SIN3A: variants seen among roughly 807,000 people sequenced by gnomAD.
SIN3A encodes paired amphipathic helix protein Sin3a.
A neutral mutation model predicts 146.1 loss-of-function variants in SIN3A; 14 were observed. The ratio of observed to expected loss-of-function variants is 0.10; its 90% confidence interval spans 0.06 to 0.15. The LOEUF is 0.15. Among genes scored for constraint, SIN3A ranks in the 10% least tolerant of loss-of-function variants. The probability of loss-of-function intolerance (pLI) is 1.00; values close to 1 mark genes in which losing one functional copy is unlikely to be tolerated. For synonymous variants in SIN3A, 572 were observed against 572.0 expected (o/e 1.00, Z 0.00); for missense variants, 1,028 against 1,576.0 (o/e 0.65, Z 5.89).
At chr15:75,388,751 A>G (rs1446603042) in intron 16 of SIN3A, 1 of 152,538 alleles carries the variant, frequency 6.6e-6, no homozygotes, top group African/African-American at 2.4e-5. Flanking sequence ...CACAGCCCAC[A>G]TCAATTTTCA....
chr15:75,445,653 G>C (rs1452497377), intron 1 of SIN3A, among the ~76,000 whole-genome samples: 2 of 149,656 alleles, frequency 1.3e-5, no homozygotes, highest in Admixed American at 6.7e-5. Context: ...TGAGGCAGGA[G>C]AATCACTTGA....
chr15:75,381,693 G>T lies in SIN3A; in HGVS notation c.3208C>A (p.Gln1070Lys). The T allele has an allele frequency of 6.2e-7, 1 of 1,613,530 alleles. No individual in the cohort carries two copies. The change falls in exon 18 of 21, where the codon CAG becomes AAG. Residue 1070 changes from glutamine to lysine, a missense_variant. Gln to Lys is a moderately conservative substitution (Grantham distance 53, BLOSUM62 1). Transcript: ENST00000394947. Reference sequence around the variant, plus strand: ...GTCAGCTGGACCTGGCCTTGGCTCTGAATAAACATAAGCTGCAAATAAGAA... The same window carrying T: ...GTCAGCTGGACCTGGCCTTGGCTCTTAATAAACATAAGCTGCAAATAAGAA... ...DENCFKLMFI[Q>K]SQGQVQLTIE...
intron 1 of SIN3A, among the ~76,000 whole-genome samples, chr15:75,445,380 C>CAAAAAA (rs10539996): frequency 1.6e-5 from 1 of 63,606 alleles, no homozygotes; most frequent in African/African-American, 6.8e-5. Context: ...GACACTGTCT[C>CAAAAAA]AAAAAAAAAA....
At chr15:75,408,879 T>C (rs1031783162) in intron 8 of SIN3A, among the ~76,000 whole-genome samples, 1 of 152,202 alleles carries the variant, frequency 6.6e-6, no homozygotes, top group Non-Finnish European at 1.5e-5. Flanking sequence ...TCAAGAATGT[T>C]CTTTCTTAAC....
At chr15:75,378,751 A>G (rs1469595471) in intron 19 of SIN3A, among the ~76,000 whole-genome samples, 2 of 152,128 alleles carry the variant, frequency 1.3e-5, no homozygotes, top group East Asian at 3.8e-4. Flanking sequence ...AGAAGCAGAC[A>G]TGAGAATCCA....
At chr15:75,392,128 T>C (rs2073216122) in intron 15 of SIN3A, 114 bp downstream of exon 15, 1 of 951,720 alleles carries the variant, frequency 1.1e-6, no homozygotes, top group African/African-American at 1.6e-5. Flanking sequence ...AGAGTTTAAC[T>C]ACACAGACTC....
intron 3 of SIN3A, chr15:75,419,111 A>C (rs2073797502): frequency 6.6e-6 from 1 of 152,126 alleles, no homozygotes; most frequent in Non-Finnish European, 1.5e-5. Flanking sequence ...GCCATGGTTA[A>C]TCAGTGTTTC....
intron 1 of SIN3A, among the ~76,000 whole-genome samples, chr15:75,450,304 C>T (rs572334386): frequency 1.3e-5 from 2 of 152,300 alleles, no homozygotes; most frequent in East Asian, 3.9e-4. Flanking sequence ...CTTTTCAAGG[C>T]TAACTTCGTT....
intron 2 of SIN3A, among the ~76,000 whole-genome samples, chr15:75,423,297 A>G (rs1056066665): frequency 6.6e-6 from 1 of 152,148 alleles, no homozygotes; most frequent in African/African-American, 2.4e-5. Context: ...AAAGAAAAGA[A>G]AAAGAAAGAA....
intron 12 of SIN3A, among the ~76,000 whole-genome samples, chr15:75,397,957 G>A (rs765011766): frequency 6.6e-6 from 1 of 152,148 alleles, no homozygotes; most frequent in African/African-American, 2.4e-5. Flanking sequence ...CTGCAAATAG[G>A]TGCAACTCCT....
intron 20 of SIN3A, 68 bp downstream of exon 20, chr15:75,375,597 C>T: frequency 7.9e-7 from 1 of 1,259,120 alleles, no homozygotes. Flanking sequence ...AATCAGAAGA[C>T]TCTGGGCCTC....
intron 9 of SIN3A, among the ~76,000 whole-genome samples, chr15:75,404,705 A>G (rs2073474996): frequency 6.6e-6 from 1 of 152,018 alleles, no homozygotes; most frequent in Non-Finnish European, 1.5e-5. Flanking sequence ...GGTTACAGTG[A>G]GCCCAGATCA....
chr15:75,407,932 C>T (rs1177785814), intron 8 of SIN3A, among the ~76,000 whole-genome samples: 2 of 139,810 alleles, frequency 1.4e-5, no homozygotes, highest in Non-Finnish European at 3.1e-5. Flanking sequence ...GGCACGCCAG[C>T]AATATCCACT....
intron 14 of SIN3A, among the ~76,000 whole-genome samples, chr15:75,394,047 A>T (rs1595895797): frequency 6.6e-6 from 1 of 151,948 alleles, no homozygotes; most frequent in Non-Finnish European, 1.5e-5. Context: ...ACCTCAGGTG[A>T]TCTGCCCGCC....
Position 75,413,060 on chromosome 15 carries a change from A to G in SIN3A, c.474-15T>C. On this transcript the variant is annotated splice_polypyrimidine_tract_variant and intron_variant, in intron 4 of 20. Coordinates refer to ENST00000394947, the MANE Select transcript of SIN3A (RefSeq NM_001145358.2). The stretch of plus-strand genomic sequence containing the variant: ...GGGTGTCGATGCTGATAAAAAACAA[A>G]AAGAAAAGTGATAAACTGTAAGCTT... The G allele has an allele frequency of 1.3e-6, 2 of 1,585,842 alleles. No individual in the cohort carries two copies. Among genetic ancestry groups the G allele is most frequent in the South Asian group, 1.2e-5 (1 of 85,776 alleles).
rs1258923197 is a variant in SIN3A at position 75,381,678 on chromosome 15, C to T, written c.3223G>A (p.Val1075Ile). ...KLMFIQSQGQ[V>I]QLTIELLDTE... ...TCCAGAAGCTCAATAGTCAGCTGGA[C>T]CTGGCCTTGGCTCTGAATAAACATA... Residue 1075 changes from valine to isoleucine, a missense_variant, in exon 18 of 21, where the codon GTC (valine) becomes ATC (isoleucine). Physicochemically the swap from Val to Ile is conservative, Grantham distance 29. This residue lies in a region of SIN3A where 488 missense variants were observed against 690.2 expected (regional missense o/e 0.71). Coordinates refer to ENST00000394947, the MANE Select transcript of SIN3A (RefSeq NM_001145358.2). 6.2e-7 allele frequency: 1 copy of T among 1,613,934 alleles called. No individual in the cohort carries two copies. Among genetic ancestry groups the T allele is most frequent in the Non-Finnish European group, 8.5e-7 (1 of 1,179,926 alleles).
At chr15:75,442,419 C>A (rs2074232563) in intron 1 of SIN3A, among the ~76,000 whole-genome samples, 1 of 151,076 alleles carries the variant, frequency 6.6e-6, no homozygotes, top group Non-Finnish European at 1.5e-5. Context: ...GCGATCCTCC[C>A]ACCTCAGCCT....
rs947015052 is a variant in SIN3A at position 75,392,621 on chromosome 15, G to C, written c.2472C>G (p.Leu824=). Residue 824 remains leucine (L), a synonymous_variant, in exon 15 of 21, where the codon CTC becomes CTG. Coordinates refer to ENST00000394947, the MANE Select transcript of SIN3A (RefSeq NM_001145358.2). ...QIMHHFIPDL[L]FAQRGDLSDV... ...CTGAGAGATCACCTCTTTGGGCAAA[G>C]AGCAAATCTGGAATAAAATGATGCA... 1.9e-6 allele frequency: 3 copies of C among 1,614,146 alleles called. No homozygotes were observed. The highest frequency in any genetic ancestry group is 2.5e-6 in the Non-Finnish European group (3 of 1,180,036).
rs200501190 is a variant in SIN3A, at chr15:75,422,745, C to T, written c.268G>A (p.Ala90Thr). The T allele has an allele frequency of 6.2e-6, 10 of 1,614,092 alleles. No individual in the cohort carries two copies. The highest frequency in any genetic ancestry group is 8.5e-6 in the Non-Finnish European group (10 of 1,180,042). ...AVHSSHHHPT[A>T]VQPHGGQVVQ... ...ACCTGGCCTCCGTGGGGCTGCACCGCTGTTGGGTGATGATGGCTGCTATGA... is the reference window on the plus strand; with the variant it reads ...ACCTGGCCTCCGTGGGGCTGCACCGTTGTTGGGTGATGATGGCTGCTATGA... The change falls in exon 3 of 21, where the codon GCG (alanine) becomes ACG (threonine). Residue 90 changes from alanine to threonine, a missense_variant. By Grantham distance (58) the Ala-to-Thr change is moderately conservative. This residue lies in a region of SIN3A where 152 missense variants were observed against 231.5 expected (regional missense o/e 0.66). Coordinates refer to ENST00000394947, the MANE Select transcript of SIN3A (RefSeq NM_001145358.2).
Sources: allele counts gnomAD v4.1 joint callset (sites outside exome capture counted in the v4.1 genomes callset), GRCh38; gene constraint gnomAD v4.1.1; regional missense constraint gnomAD v4.1.1; transcripts MANE v1.5; gene names NCBI Gene and HGNC (gene_info 2026-07-23, HGNC 2026-07-21).